TTC39C: variants seen among roughly 807,000 people sequenced by gnomAD.
The protein encoded by TTC39C is tetratricopeptide repeat domain 39C.
A neutral mutation model predicts 76.3 loss-of-function variants in TTC39C; 33 were observed. The observed-to-expected ratio is 0.43, with a 90% CI of 0.33 to 0.58. The LOEUF is 0.58. Ranked by LOEUF, TTC39C falls within the 20% of genes least tolerant of loss-of-function variation. TTC39C has a pLI of 0.04. For synonymous variants in TTC39C, 254 were observed against 260.6 expected, an observed-to-expected ratio of 0.97 and a Z score of 0.24; for missense variants, 595 against 701.4, an observed-to-expected ratio of 0.85 and a Z score of 1.71.
intron 1 of TTC39C, among the ~76,000 whole-genome samples, chr18:24,029,295 G>T (rs1435349394): frequency 6.6e-6 from 1 of 152,084 alleles, no homozygotes; most frequent in Admixed American, 6.6e-5. Context: ...TAAAGACGGG[G>T]TTTTTCCGTG....
chr18:24,079,053 T>C (rs1479559839), intron 4 of TTC39C, among the ~76,000 whole-genome samples: 1 of 152,244 alleles, frequency 6.6e-6, no homozygotes, highest in Non-Finnish European at 1.5e-5. Flanking sequence ...ATTTTAAAAA[T>C]GCCGTTCTGA....
At chr18:24,042,339 A>G (rs2083805326) in intron 1 of TTC39C, among the ~76,000 whole-genome samples, 1 of 152,050 alleles carries the variant, frequency 6.6e-6, no homozygotes, top group South Asian at 2.1e-4. Flanking sequence ...TTGGGATGAA[A>G]CTGTTCCACC....
At chr18:24,051,091 C>A (rs549904378) in intron 1 of TTC39C, among the ~76,000 whole-genome samples, 5 of 151,992 alleles carry the variant, frequency 3.3e-5, no homozygotes, top group Non-Finnish European at 1.5e-5. Context: ...TCTTAGAGAG[C>A]GGCTCATTAA....
rs1568450608 is a variant in TTC39C, at chr18:24,134,255, C to CTTTTTTTTTTTTTTTT, written c.*1682_*1683insTTTTTTTTTTTTTTTT. 3 of 46,708 alleles carry CTTTTTTTTTTTTTTTT rather than the reference C, an allele frequency of 6.4e-5. No individual in the cohort carries two copies. Among genetic ancestry groups the CTTTTTTTTTTTTTTTT allele is most frequent in the African/African-American group, 2.5e-4 (3 of 12,012 alleles). 2.9% of individuals were successfully genotyped at this position (46,708 alleles called of 1,614,324 possible). ...ATTGGTGCCCAAAAATATTGGACATCTGTTTTTTGTTTTTTTTTTTTTTTT... is the reference window on the plus strand; with the variant it reads ...ATTGGTGCCCAAAAATATTGGACATCTTTTTTTTTTTTTTTTTGTTTTTTGTTTTTTTTTTTTTTTT... On this transcript the variant is annotated 3_prime_UTR_variant, in exon 14 of 14. Coordinates refer to ENST00000317571, the MANE Select transcript of TTC39C (RefSeq NM_001135993.2).
At chr18:24,076,921 A>T (rs1380113740) in intron 4 of TTC39C, 1 of 152,068 alleles carries the variant, frequency 6.6e-6, no homozygotes, top group Non-Finnish European at 1.5e-5. Flanking sequence ...TGTTTTATTG[A>T]TTTAGTTCCA....
At chr18:24,061,117 T>C (rs1329536463) in intron 1 of TTC39C, among the ~76,000 whole-genome samples, 6 of 152,128 alleles carry the variant, frequency 3.9e-5, no homozygotes. Context: ...TTTCCATCCT[T>C]TTTTCTTCTT....
At chr18:24,109,081 G>A (rs112120475) in intron 6 of TTC39C, among the ~76,000 whole-genome samples, 5,990 of 147,668 alleles carry the variant, frequency 0.041, 414 homozygotes, top group African/African-American at 0.14. Context: ...GCTCATGCCT[G>A]TAATCCCCGT....
intron 6 of TTC39C, among the ~76,000 whole-genome samples, chr18:24,098,075 AT>A (rs1395791277): frequency 6.6e-6 from 1 of 152,194 alleles, no homozygotes; most frequent in South Asian, 2.1e-4. Flanking sequence ...ATATTATATT[AT>A]TTTTTATCCA....
At chr18:24,121,293 C>T (rs1163142990) in intron 8 of TTC39C, among the ~76,000 whole-genome samples, 2 of 152,164 alleles carry the variant, frequency 1.3e-5, no homozygotes, top group African/African-American at 4.8e-5. Context: ...AACTATCTGG[C>T]TGGGGGCGGT....
intron 6 of TTC39C, among the ~76,000 whole-genome samples, chr18:24,101,729 G>T (rs1019881407): frequency 5.3e-5 from 8 of 152,168 alleles, no homozygotes; most frequent in Non-Finnish European, 1.2e-4. Context: ...AGGTTTATCT[G>T]TTTGTCTTGA....
chr18:24,132,443 T>G (rs2085141902), intron 13 of TTC39C, 42 bp from the exon 14 acceptor site: 1 of 1,579,574 alleles, frequency 6.3e-7, no homozygotes, highest in Non-Finnish European at 8.7e-7. Context: ...CTGTGCAAGC[T>G]TAGCTAACAG....
intron 1 of TTC39C, among the ~76,000 whole-genome samples, chr18:24,004,535 G>A (rs146803286): frequency 3.6e-4 from 55 of 152,274 alleles, no homozygotes; most frequent in African/African-American, 1.2e-3. Context: ...TAGTGTGGGC[G>A]TGTCTCCTTC....
At chr18:24,060,554 C>G (rs537781184) in intron 1 of TTC39C, among the ~76,000 whole-genome samples, 1 of 152,034 alleles carries the variant, frequency 6.6e-6, no homozygotes, top group Non-Finnish European at 1.5e-5. Flanking sequence ...GTGATCTGCC[C>G]GCCTCAGCCT....
intron 1 of TTC39C, chr18:24,001,514 T>C (rs1268531495): frequency 6.6e-6 from 1 of 152,394 alleles, no homozygotes; most frequent in Non-Finnish European, 1.5e-5. Flanking sequence ...GTCTTTGCTT[T>C]ACTGATGTTC....
chr18:24,003,957 C>G (rs1238267665), intron 1 of TTC39C, among the ~76,000 whole-genome samples: 2 of 152,086 alleles, frequency 1.3e-5, no homozygotes, highest in East Asian at 3.9e-4. Flanking sequence ...ACTATGTTGC[C>G]CAGGCTAGTC....
chr18:24,045,875 G>A (rs1279542799), intron 1 of TTC39C, among the ~76,000 whole-genome samples: 3 of 120,336 alleles, frequency 2.5e-5, no homozygotes, highest in Admixed American at 9.2e-5. Context: ...ACATTTTAGG[G>A]TACTTCCTTC....
intron 6 of TTC39C, among the ~76,000 whole-genome samples, chr18:24,090,955 C>T (rs556013686): frequency 6.0e-4 from 91 of 151,978 alleles, no homozygotes; most frequent in African/African-American, 1.9e-3. Context: ...TACAGGTGTG[C>T]GCCACCATGC....
chr18:24,120,244 G>A (rs1294232296), intron 8 of TTC39C, among the ~76,000 whole-genome samples: 1 of 152,184 alleles, frequency 6.6e-6, no homozygotes, highest in Non-Finnish European at 1.5e-5. Flanking sequence ...CAGCTGCTTG[G>A]GAGGCTGAGG....
chr18:24,005,391 TA>T (rs1200768311), intron 1 of TTC39C, among the ~76,000 whole-genome samples: 1 of 152,168 alleles, frequency 6.6e-6, no homozygotes, highest in Admixed American at 6.5e-5. Context: ...TTTTTCATAA[TA>T]AAATATTTTT....
Sources: gnomAD v4.1 joint callset for allele counts (sites outside exome capture counted in the v4.1 genomes callset) on GRCh38, gnomAD v4.1.1 for gene constraint, MANE v1.5 for transcripts, NCBI Gene and HGNC (gene_info 2026-07-23, HGNC 2026-07-21) for gene names.